Variants in GLTP observed in about 807,000 individuals in gnomAD.
The protein encoded by GLTP is glycolipid transfer protein.
In GLTP, 22 loss-of-function variants were observed where a neutral mutation model predicts 24.0. The ratio of observed to expected loss-of-function variants is 0.92; its 90% CI spans 0.65 to 1.31. The LOEUF (loss-of-function observed/expected upper bound fraction) is 1.31. Among genes scored for constraint, GLTP ranks in the 50% most tolerant of loss-of-function variants. GLTP has a pLI of 0.00. For missense variants in GLTP, 224 were observed against 276.6 expected (o/e 0.81, Z 1.35); for synonymous variants, 92 against 115.9 (o/e 0.79, Z 1.33).
At chr12:109,856,397 C>T (rs896366042) in intron 3 of GLTP, among the ~76,000 whole-genome samples, 8 of 152,160 alleles carry the variant, frequency 5.3e-5, no homozygotes, top group Admixed American at 4.6e-4. Flanking sequence ...CTCACCAGGG[C>T]CAGCCCCTTA....
chr12:109,857,843 T>A lies in GLTP; in HGVS notation c.163-184A>T. The A allele has an allele frequency of 1.6e-6, 1 of 631,436 alleles. No individual in the cohort carries two copies. Among genetic ancestry groups the A allele is most frequent in the Non-Finnish European group, 2.8e-6 (1 of 356,186 alleles). 39.1% of individuals were successfully genotyped at this position (631,436 alleles called of 1,614,324 possible). On this transcript the variant is annotated intron_variant, in intron 2 of 4. Transcript: ENST00000318348. This position sits in a 1 kb window ranked among gnomAD's most constrained non-coding sequence, Gnocchi z 4.3. ...ATGAGCCAGGATTTGCAAAATGCTT[T>A]ACAGGCACTACCTTATATGATCCTG...
chr12:109,852,511 T>C lies in GLTP; in HGVS notation c.*44A>G, dbSNP rs2136761592. 3 of 1,307,212 alleles carry C rather than the reference T, an allele frequency of 2.3e-6. No individual in the cohort carries two copies. The highest frequency in any genetic ancestry group is 3.3e-6 in the Non-Finnish European group (3 of 915,056). 81.0% of individuals were successfully genotyped at this position (1,307,212 alleles called of 1,614,324 possible). On this transcript the variant is annotated 3_prime_UTR_variant, in exon 5 of 5. Transcript: ENST00000318348. ...ACAGTGATTCTGGTTTGCCTGTTTCTCCATGTGGCCACGAGTCGGGGACGT... is the reference window on the plus strand; with the variant it reads ...ACAGTGATTCTGGTTTGCCTGTTTCCCCATGTGGCCACGAGTCGGGGACGT...
At position 109,855,067 on chromosome 12, in the gene GLTP, G is replaced by C. The variant is rs377385517; in HGVS notation, c.447+552C>G. Among the ~76,000 whole-genome samples the C allele has an allele frequency of 6.6e-6, 1 of 152,202 alleles. No homozygotes were observed. The highest frequency in any genetic ancestry group is 1.5e-5 in the Non-Finnish European group (1 of 68,028). On this transcript the variant is annotated intron_variant, in intron 4 of 4. Transcript: ENST00000318348. This position sits in a 1 kb window ranked among gnomAD's most constrained non-coding sequence, Gnocchi z 4.1. ...GGCGCAGGGCAGCCGGAGGGCCTTC[G>C]CAAGTCTCCTGAGCAGGGCTGTCCG... is the stretch of plus-strand genomic sequence containing the variant.
chr12:109,879,696 G>A (rs1385465099), intron 1 of GLTP, among the ~76,000 whole-genome samples: 1 of 152,136 alleles, frequency 6.6e-6, no homozygotes, highest in South Asian at 2.1e-4. Flanking sequence ...CCTTGTCCCC[G>A]CCTCACCAGG....
chr12:109,859,879 G>T (rs78717310), intron 1 of GLTP: 2 of 152,326 alleles, frequency 1.3e-5, no homozygotes, highest in African/African-American at 4.8e-5. Flanking sequence ...CTTTTAAGAA[G>T]TGTGCAAATC....
At chr12:109,876,665 GAGGA>G (rs1284739534) in intron 1 of GLTP, among the ~76,000 whole-genome samples, 324 of 150,986 alleles carry the variant, frequency 2.1e-3, no homozygotes, top group African/African-American at 6.8e-3. Flanking sequence ...AGGAAAGAAA[GAGGA>G]AGGAAGGAAG....
chr12:109,854,398 G>A (rs969097637), intron 4 of GLTP, among the ~76,000 whole-genome samples: 1 of 147,202 alleles, frequency 6.8e-6, no homozygotes, highest in Non-Finnish European at 1.5e-5. Flanking sequence ...TAATAGCTTT[G>A]ATGTACTGAG....
chr12:109,869,112 C>G (rs528573746), intron 1 of GLTP, among the ~76,000 whole-genome samples: 3 of 151,980 alleles, frequency 2.0e-5, no homozygotes, highest in African/African-American at 7.2e-5. Context: ...TTAGCCTGGC[C>G]AACATAGTGT....
chr12:109,879,640 T>G (rs1868999608), intron 1 of GLTP, among the ~76,000 whole-genome samples: 1 of 152,112 alleles, frequency 6.6e-6, no homozygotes, highest in Non-Finnish European at 1.5e-5. Context: ...TGGTTTCCCC[T>G]AGAAAGAGGC....
intron 3 of GLTP, among the ~76,000 whole-genome samples, chr12:109,856,258 G>A (rs1215389615): frequency 6.6e-6 from 1 of 152,180 alleles, no homozygotes; most frequent in Non-Finnish European, 1.5e-5. Context: ...GTCTGCTACG[G>A]TGCTCCTCTG....
Position 109,880,455 on chromosome 12 carries a change from C to G in GLTP, c.-81G>C, listed in dbSNP as rs1325752753. On this transcript the variant is annotated 5_prime_UTR_variant, in exon 1 of 5. Coordinates refer to ENST00000318348, the MANE Select transcript of GLTP (RefSeq NM_016433.4). The surrounding 1 kb of genome is among the most constrained non-coding windows in gnomAD (Gnocchi z 5.1). ...CCCCCCCGGCCGCCGCCGTCAGCGC[C>G]GGGGCCGTCACAGCCGCCCGCCGCA... 5.9e-6 allele frequency: 3 copies of G among 506,402 alleles called. No individual in the cohort carries two copies. The African/African-American group carries it at 6.2e-5, about 10-fold the overall frequency. 31.4% of individuals were successfully genotyped at this position (506,402 alleles called of 1,614,324 possible).
chr12:109,860,849 T>C (rs1247377001), intron 1 of GLTP, among the ~76,000 whole-genome samples: 1 of 152,224 alleles, frequency 6.6e-6, no homozygotes, highest in Non-Finnish European at 1.5e-5. Context: ...TGGCAGGCTG[T>C]CACAGGACAT....
At chr12:109,874,784 G>A (rs1473849008) in intron 1 of GLTP, among the ~76,000 whole-genome samples, 2 of 152,198 alleles carry the variant, frequency 1.3e-5, no homozygotes, top group Non-Finnish European at 2.9e-5. Flanking sequence ...TTTTGAGACG[G>A]AGTCTCACTC....
At position 109,852,392 on chromosome 12, in the gene GLTP, G is replaced by C. The variant is rs932205130; in HGVS notation, c.*163C>G. The C allele has an allele frequency of 9.4e-6, 2 of 212,394 alleles. No homozygotes were observed. The highest frequency in any genetic ancestry group is 8.7e-5 in the African/African-American group (2 of 22,928). 13.2% of individuals were successfully genotyped at this position (212,394 alleles called of 1,614,324 possible). On this transcript the variant is annotated 3_prime_UTR_variant, in exon 5 of 5. Transcript: ENST00000318348. ...ATAGACCAAAAAAAAAAAAAAAAAA[G>C]ACTTAAAAAACGAGGGCTGTCCCCT...
Position 109,855,877 on chromosome 12 carries a change from C to T in GLTP, c.297-108G>A, listed in dbSNP as rs1038753334. ...CTACTGTGAGCCAGGAACATGGGCGCCCCAGAGGGAGTGGTTATTCCCTAA... is the reference window on the plus strand; with the variant it reads ...CTACTGTGAGCCAGGAACATGGGCGTCCCAGAGGGAGTGGTTATTCCCTAA... On this transcript the variant is annotated intron_variant, in intron 3 of 4. Coordinates refer to ENST00000318348, the MANE Select transcript of GLTP (RefSeq NM_016433.4). This position sits in a 1 kb window ranked among gnomAD's most constrained non-coding sequence, Gnocchi z 4.1. 68 of 805,756 alleles carry T rather than the reference C, an allele frequency of 8.4e-5. No homozygotes were observed. The African/African-American group carries it at 1.1e-3, about 13-fold the overall frequency. The allele number at this position is 805,756 out of a possible 1,614,324, so 49.9% of individuals were successfully genotyped here.
intron 1 of GLTP, among the ~76,000 whole-genome samples, chr12:109,874,361 A>G (rs1868818812): frequency 1.3e-5 from 2 of 152,176 alleles, no homozygotes; most frequent in Admixed American, 6.5e-5. Flanking sequence ...CACTGAACCA[A>G]AAGTGATGGA....
At chr12:109,856,718 A>C (rs1892801518) in intron 3 of GLTP, among the ~76,000 whole-genome samples, 1 of 152,208 alleles carries the variant, frequency 6.6e-6, no homozygotes, top group African/African-American at 2.4e-5. Context: ...CTGGTAGAGA[A>C]CAGCATGAGT....
Position 109,852,710 on chromosome 12 carries a change from A to G in GLTP, c.475T>C (p.Ser159Pro), listed in dbSNP as rs1565896252. The change falls in exon 5 of 5, where the codon TCT becomes CCT. Residue 159 changes from serine to proline, a missense_variant. Transcript: ENST00000318348. ...QAALYAAPYK[S>P]DFLKALSKGQ... Reference sequence around the variant, plus strand: ...TTGGAGAGCGCTTTCAGGAAGTCAGACTTATAGGGTGCTGCGTACAGTGCT... The same window carrying G: ...TTGGAGAGCGCTTTCAGGAAGTCAGGCTTATAGGGTGCTGCGTACAGTGCT... 6.2e-7 allele frequency: 1 copy of G among 1,612,918 alleles called. No homozygotes were observed. The highest frequency in any genetic ancestry group is 8.5e-7 in the Non-Finnish European group (1 of 1,179,008).
chr12:109,860,981 C>T (rs889680352), intron 1 of GLTP, among the ~76,000 whole-genome samples: 4 of 152,096 alleles, frequency 2.6e-5, no homozygotes, highest in Admixed American at 6.6e-5. Flanking sequence ...GTCCTTGTTG[C>T]GGTCCAGAAA....
Sources: gnomAD v4.1 joint callset for allele counts (sites outside exome capture counted in the v4.1 genomes callset) on GRCh38, gnomAD v4.1.1 for gene constraint, Gnocchi (gnomAD v3.1) non-coding constraint, MANE v1.5 for transcripts, NCBI Gene and HGNC (gene_info 2026-07-23, HGNC 2026-07-21) for gene names.